POU6F2: variants seen among roughly 807,000 people sequenced by gnomAD.
POU6F2 encodes the protein POU domain, class 6, transcription factor 2.
POU6F2 carries 31 observed loss-of-function variants against 71.3 expected under a neutral mutation model. That is an observed-to-expected ratio of 0.43 (90% CI 0.33 to 0.59). POU6F2 has a LOEUF of 0.59. POU6F2 is among the 20% of genes least tolerant of loss of function. The pLI is 0.04. For missense variants in POU6F2, 783 were observed against 856.8 expected, an observed-to-expected ratio of 0.91 and a Z score of 1.07; for synonymous variants, 347 against 355.7, an observed-to-expected ratio of 0.98 and a Z score of 0.27.
chr7:39,360,190 G>A (rs186041760), intron 5 of POU6F2, among the ~76,000 whole-genome samples: 1 of 152,068 alleles, frequency 6.6e-6, no homozygotes, highest in East Asian at 1.9e-4. Context: ...ATCTTCCTAC[G>A]GTTAAGGTAC....
intron 2 of POU6F2, among the ~76,000 whole-genome samples, chr7:39,182,266 T>C (rs1345276495): frequency 6.6e-6 from 1 of 152,258 alleles, no homozygotes; most frequent in Non-Finnish European, 1.5e-5. Flanking sequence ...TACTATTCTA[T>C]GTTTTGTAAA....
At chr7:39,409,734 G>T (rs1167797331) in intron 6 of POU6F2, among the ~76,000 whole-genome samples, 1 of 152,136 alleles carries the variant, frequency 6.6e-6, no homozygotes, top group Non-Finnish European at 1.5e-5. Flanking sequence ...CTTCCGTCAG[G>T]GTCTTGGCCC....
chr7:39,369,086 C>T (rs765887412), intron 5 of POU6F2, among the ~76,000 whole-genome samples: 1 of 152,130 alleles, frequency 6.6e-6, no homozygotes, highest in African/African-American at 2.4e-5. Flanking sequence ...GAAAGTGGTT[C>T]CTTGAGATGG....
At chr7:39,343,015 C>T (rs918682372) in intron 5 of POU6F2, among the ~76,000 whole-genome samples, 1 of 152,156 alleles carries the variant, frequency 6.6e-6, no homozygotes, top group African/African-American at 2.4e-5. Flanking sequence ...GAAGCTGCCC[C>T]TGGAGATCTG....
chr7:39,081,453 T>G (rs950333202), intron 1 of POU6F2, among the ~76,000 whole-genome samples: 1 of 152,242 alleles, frequency 6.6e-6, no homozygotes, highest in African/African-American at 2.4e-5. Context: ...ACTGCAGAAC[T>G]CTTTCATTGT....
At chr7:39,338,761 CT>C (rs1785840193) in intron 4 of POU6F2, among the ~76,000 whole-genome samples, 1 of 152,222 alleles carries the variant, frequency 6.6e-6, no homozygotes, top group South Asian at 2.1e-4. Flanking sequence ...TTAGGTCAAA[CT>C]AACCAGCTTC....
chr7:39,240,612 A>G (rs1783708268), intron 4 of POU6F2, among the ~76,000 whole-genome samples: 1 of 152,172 alleles, frequency 6.6e-6, no homozygotes, highest in Non-Finnish European at 1.5e-5. Context: ...TATTGATTTA[A>G]AATACAACCT....
intron 5 of POU6F2, among the ~76,000 whole-genome samples, chr7:39,387,120 C>G (rs1274345576): frequency 3.3e-5 from 5 of 152,242 alleles, no homozygotes; most frequent in Non-Finnish European, 1.5e-5. Flanking sequence ...ACCCAACCCG[C>G]TCATCCCCAG....
intron 2 of POU6F2, among the ~76,000 whole-genome samples, chr7:39,177,975 G>T (rs2128740637): frequency 6.6e-6 from 1 of 152,222 alleles, no homozygotes; most frequent in Middle Eastern, 3.4e-3. Context: ...ACTTTCTTCA[G>T]CCAGGCGTGG....
chr7:39,089,325 A>C (rs1281373899), intron 2 of POU6F2, among the ~76,000 whole-genome samples: 2 of 152,188 alleles, frequency 1.3e-5, no homozygotes, highest in East Asian at 3.8e-4. Flanking sequence ...GTATTATGCT[A>C]AGCTCTGAGC....
intron 5 of POU6F2, among the ~76,000 whole-genome samples, chr7:39,363,193 G>C (rs1449155624): frequency 6.6e-6 from 1 of 152,168 alleles, no homozygotes. Context: ...GAAGTAATCA[G>C]ACTCTGAATA....
chr7:39,383,082 A>G (rs967766208), intron 5 of POU6F2, among the ~76,000 whole-genome samples: 1 of 152,204 alleles, frequency 6.6e-6, no homozygotes, highest in Non-Finnish European at 1.5e-5. Context: ...GCCAAGGAGA[A>G]CTGCAAGAGG....
intron 1 of POU6F2, among the ~76,000 whole-genome samples, chr7:39,043,677 G>C (rs1264374515): frequency 6.6e-6 from 1 of 151,984 alleles, no homozygotes; most frequent in Non-Finnish European, 1.5e-5. Context: ...TCCTCAGGCT[G>C]TCTAGCATTT....
At position 39,460,594 on chromosome 7, in the gene POU6F2, A is replaced by G. The variant is rs764308833; in HGVS notation, c.1537A>G (p.Ile513Val). The change falls in exon 9 of 10, where the codon ATC becomes GTC. Residue 513 changes from isoleucine to valine, a missense_variant. Around this residue, in one of 2 missense-constraint regions of POU6F2, gnomAD observed 211 missense variants for 283.9 expected, o/e 0.74. Coordinates refer to ENST00000518318, the MANE Select transcript of POU6F2 (RefSeq NM_001370959.1). The surrounding 1 kb of genome is among the most constrained non-coding windows in gnomAD (Gnocchi z 4.4). Reference protein sequence around the residue: ...GEVDGVNLEEIREFAKAFKIR... With the variant: ...GEVDGVNLEEVREFAKAFKIR... ...GGTGGATGGGGTTAATCTGGAGGAG[A>G]TCCGAGAATTTGCCAAAGCTTTTAA... 6.2e-7 allele frequency: 1 copy of G among 1,613,412 alleles called. No homozygotes were observed. The highest frequency in any genetic ancestry group is 8.5e-7 in the Non-Finnish European group (1 of 1,179,704).
chr7:39,069,575 T>G (rs1790831374), intron 1 of POU6F2, among the ~76,000 whole-genome samples: 1 of 152,150 alleles, frequency 6.6e-6, no homozygotes, highest in Non-Finnish European at 1.5e-5. Context: ...CATGCAACTT[T>G]TGACTCCCCA....
intron 2 of POU6F2, among the ~76,000 whole-genome samples, chr7:39,149,566 C>A (rs1792700979): frequency 6.6e-6 from 1 of 152,096 alleles, no homozygotes; most frequent in African/African-American, 2.4e-5. Context: ...ATGTTTAATA[C>A]AGGACAACTT....
intron 4 of POU6F2, among the ~76,000 whole-genome samples, chr7:39,229,757 A>G (rs945389904): frequency 6.6e-6 from 1 of 152,332 alleles, no homozygotes; most frequent in African/African-American, 2.4e-5. Context: ...AACAGCAATA[A>G]GTCTCTCCAT....
chr7:39,301,894 G>T (rs2128764838), intron 4 of POU6F2, among the ~76,000 whole-genome samples: 1 of 152,042 alleles, frequency 6.6e-6, no homozygotes, highest in Admixed American at 6.5e-5. Context: ...TCCACATAAT[G>T]GTAGTAATTT....
chr7:39,464,338 G>A lies in POU6F2; in HGVS notation c.1815G>A (p.Pro605=), dbSNP rs751284740. 6.8e-6 allele frequency: 11 copies of A among 1,613,876 alleles called. No individual in the cohort carries two copies. The highest frequency in any genetic ancestry group is 1.6e-4 in the Middle Eastern group (1 of 6,084). The part of the protein sequence containing the change: ...ITPKSAQKIK[P]VLERWMAEAE... ...CTAAAAGTGCCCAGAAGATCAAGCC[G>A]GTGCTTGAGCGGTGGATGGCTGAGG... The change falls in exon 10 of 10, where the codon CCG becomes CCA. Residue 605 remains proline (P), a synonymous_variant. Coordinates refer to ENST00000518318, the MANE Select transcript of POU6F2 (RefSeq NM_001370959.1). This position sits in a 1 kb window ranked among gnomAD's most constrained non-coding sequence, Gnocchi z 4.1.
Sources: allele counts gnomAD v4.1 joint callset (sites outside exome capture counted in the v4.1 genomes callset), GRCh38; gene constraint gnomAD v4.1.1; regional missense constraint gnomAD v4.1.1; non-coding constraint Gnocchi (gnomAD v3.1); transcripts MANE v1.5; gene names NCBI Gene and HGNC (gene_info 2026-07-23, HGNC 2026-07-21).